Variants in CDH18 observed in about 807,000 individuals in gnomAD.
CDH18 encodes cadherin 18, also known as cadherin-18.
Under a neutral mutation model 67.9 loss-of-function variants are expected in CDH18, and 31 were observed. The observed-to-expected ratio is 0.46, with a 90% CI of 0.34 to 0.62. The LOEUF is 0.62. Ranked by LOEUF, CDH18 falls within the 20% of genes least tolerant of loss-of-function variation. The pLI, the probability that CDH18 is intolerant of heterozygous loss-of-function variation, is 0.01. For synonymous variants in CDH18, 362 were observed against 347.2 expected (o/e 1.04, Z -0.48); for missense variants, 890 against 975.5 (o/e 0.91, Z 1.17).
At chr5:19,616,311 C>G (rs1296100394) in intron 5 of CDH18, among the ~76,000 whole-genome samples, 4 of 150,170 alleles carry the variant, frequency 2.7e-5, no homozygotes, top group Non-Finnish European at 4.4e-5. Flanking sequence ...TACATTGATT[C>G]CCCCCCACCC....
At chr5:20,519,394 C>G (rs1001715204) in intron 1 of CDH18, among the ~76,000 whole-genome samples, 1 of 152,044 alleles carries the variant, frequency 6.6e-6, no homozygotes, top group South Asian at 2.1e-4. Flanking sequence ...ACCGCATGTT[C>G]TCACTCATAG....
At chr5:19,837,314 G>C (rs1213908111) in intron 3 of CDH18, among the ~76,000 whole-genome samples, 1 of 151,956 alleles carries the variant, frequency 6.6e-6, no homozygotes, top group African/African-American at 2.4e-5. Flanking sequence ...TGTAGATGAC[G>C]GGTTGATGGG....
intron 2 of CDH18, among the ~76,000 whole-genome samples, chr5:19,978,118 C>T (rs1050539260): frequency 2.0e-5 from 3 of 151,984 alleles, no homozygotes; most frequent in African/African-American, 7.3e-5. Context: ...TTACCTAAGA[C>T]TGTACAAAAT....
intron 1 of CDH18, among the ~76,000 whole-genome samples, chr5:20,546,611 T>G (rs1561117615): frequency 6.6e-6 from 1 of 152,020 alleles, no homozygotes; most frequent in Non-Finnish European, 1.5e-5. Flanking sequence ...TCACTCACTA[T>G]CACAATAATA....
chr5:20,036,565 T>C (rs1219133675), intron 2 of CDH18, among the ~76,000 whole-genome samples: 2 of 152,018 alleles, frequency 1.3e-5, no homozygotes, highest in African/African-American at 2.4e-5. Flanking sequence ...ACAAGCAACG[T>C]TATGCTTAAT....
At chr5:20,210,451 C>G (rs17225019) in intron 2 of CDH18, among the ~76,000 whole-genome samples, 6,753 of 151,958 alleles carry the variant, frequency 0.044, 196 homozygotes, top group Non-Finnish European at 0.066. Context: ...ATAGAGCTTA[C>G]AAGAATTTTA....
intron 2 of CDH18, among the ~76,000 whole-genome samples, chr5:19,968,067 T>A (rs10039779): frequency 0.59 from 87,240 of 147,794 alleles, 26,048 homozygotes; most frequent in Middle Eastern, 0.71. Flanking sequence ...AGAGAGCCAA[T>A]TCATGAGTGA....
At chr5:20,195,405 C>T (rs1018141073) in intron 2 of CDH18, among the ~76,000 whole-genome samples, 3 of 151,784 alleles carry the variant, frequency 2.0e-5, no homozygotes, top group Non-Finnish European at 4.4e-5. Flanking sequence ...TTTGATTGTA[C>T]GGTAATTGAT....
chr5:20,428,976 C>T (rs887124985), intron 1 of CDH18, among the ~76,000 whole-genome samples: 3 of 152,080 alleles, frequency 2.0e-5, no homozygotes, highest in African/African-American at 7.2e-5. Context: ...AAGATATAAT[C>T]TTCTATCATT....
At chr5:19,927,209 C>T (rs1490305109) in intron 2 of CDH18, among the ~76,000 whole-genome samples, 1 of 152,090 alleles carries the variant, frequency 6.6e-6, no homozygotes, top group East Asian at 1.9e-4. Context: ...CTAACCTGCT[C>T]ATAAAGTGTT....
intron 1 of CDH18, among the ~76,000 whole-genome samples, chr5:20,486,680 TGTA>T (rs1278006698): frequency 9.1e-5 from 8 of 87,772 alleles, no homozygotes; most frequent in African/African-American, 1.1e-4. Context: ...TTGCTATTTT[TGTA>T]TATATATATA....
intron 1 of CDH18, among the ~76,000 whole-genome samples, chr5:20,469,314 A>G (rs983265958): frequency 6.6e-6 from 1 of 152,098 alleles, no homozygotes; most frequent in Non-Finnish European, 1.5e-5. Context: ...GTGTATTGAC[A>G]TTCAAAAGAC....
chr5:20,461,092 T>C (rs985358976), intron 1 of CDH18, among the ~76,000 whole-genome samples: 2 of 152,188 alleles, frequency 1.3e-5, no homozygotes, highest in African/African-American at 4.8e-5. Context: ...CTGCTCTCCC[T>C]GACCTCCTCT....
At chr5:19,705,624 T>C (rs1489818890) in intron 5 of CDH18, among the ~76,000 whole-genome samples, 1 of 152,200 alleles carries the variant, frequency 6.6e-6, no homozygotes, top group Non-Finnish European at 1.5e-5. Context: ...GGTGTTATTG[T>C]TCAAGAGCAG....
At chr5:20,429,075 CTT>C (rs71599752) in intron 1 of CDH18, among the ~76,000 whole-genome samples, 113 of 146,984 alleles carry the variant, frequency 7.7e-4, no homozygotes, top group African/African-American at 1.6e-3. Flanking sequence ...GCTGATACCT[CTT>C]TTTTTTTTTA....
intron 1 of CDH18, among the ~76,000 whole-genome samples, chr5:20,538,506 T>G (rs1330708169): frequency 6.6e-6 from 1 of 152,294 alleles, no homozygotes; most frequent in South Asian, 2.1e-4. Flanking sequence ...GCTCAGTAGC[T>G]TGACCTATTG....
chr5:20,366,415 A>G (rs1010412408), intron 1 of CDH18, among the ~76,000 whole-genome samples: 5 of 152,126 alleles, frequency 3.3e-5, no homozygotes, highest in Non-Finnish European at 7.4e-5. Context: ...ATTCACATTA[A>G]CTATTGCGAT....
intron 5 of CDH18, among the ~76,000 whole-genome samples, chr5:19,656,492 CA>C: frequency 6.6e-6 from 1 of 152,124 alleles, no homozygotes; most frequent in East Asian, 1.9e-4. Context: ...TTTAGAAATA[CA>C]TTTTCTTATT....
chr5:19,787,547 T>C (rs1775937899), intron 3 of CDH18, among the ~76,000 whole-genome samples: 1 of 152,158 alleles, frequency 6.6e-6, no homozygotes. Context: ...ATGCATGTGT[T>C]TCCATAGGAA....
Sources: gnomAD v4.1 joint callset for allele counts (sites outside exome capture counted in the v4.1 genomes callset) on GRCh38, gnomAD v4.1.1 for gene constraint, MANE v1.5 for transcripts, NCBI Gene and HGNC (gene_info 2026-07-23, HGNC 2026-07-21) for gene names.